Variants in FHAD1 observed in about 807,000 individuals in gnomAD.
FHAD1 encodes forkhead associated phosphopeptide binding domain 1, also known as forkhead-associated domain-containing protein 1.
FHAD1 carries 146 observed loss-of-function variants against 191.3 expected under a neutral mutation model. The ratio of observed to expected loss-of-function variants is 0.76; its 90% confidence interval spans 0.67 to 0.88. The LOEUF (loss-of-function observed/expected upper bound fraction) is 0.88. Ranked by LOEUF, FHAD1 falls within the 40% of genes least tolerant of loss-of-function variation. The probability of loss-of-function intolerance (pLI) is 0.00; values close to 1 mark genes in which losing one functional copy is unlikely to be tolerated. For synonymous variants in FHAD1, 616 were observed against 672.3 expected (o/e 0.92, Z 1.29); for missense variants, 1,635 against 1,785.8 (o/e 0.92, Z 1.52).
At chr1:15,250,233 A>G (rs1017221658) in intron 1 of FHAD1, among the ~76,000 whole-genome samples, 15 of 152,276 alleles carry the variant, frequency 9.9e-5, no homozygotes, top group Non-Finnish European at 1.9e-4. Context: ...ATCACACTGC[A>G]TCTTTAGACG....
intron 32 of FHAD1, among the ~76,000 whole-genome samples, chr1:15,390,958 A>G (rs1336292704): frequency 6.6e-6 from 1 of 152,096 alleles, no homozygotes; most frequent in Non-Finnish European, 1.5e-5. Flanking sequence ...CTCTGCTGGA[A>G]TCTAGAACAG....
At chr1:15,297,680 T>G (rs1207367315) in intron 5 of FHAD1, among the ~76,000 whole-genome samples, 1 of 152,230 alleles carries the variant, frequency 6.6e-6, no homozygotes, top group Non-Finnish European at 1.5e-5. Flanking sequence ...GTTCTCCTGC[T>G]GGTGTCTTCT....
At chr1:15,393,498 A>C (rs755787657) in intron 33 of FHAD1, among the ~76,000 whole-genome samples, 2 of 152,138 alleles carry the variant, frequency 1.3e-5, no homozygotes, top group African/African-American at 2.4e-5. Flanking sequence ...AAAACCTCTA[A>C]GAATTCTCAG....
At chr1:15,347,480 T>C (rs1377051938) in intron 18 of FHAD1, among the ~76,000 whole-genome samples, 1 of 152,180 alleles carries the variant, frequency 6.6e-6, no homozygotes, top group Non-Finnish European at 1.5e-5. Flanking sequence ...GATTTTCTTT[T>C]TTTCTGTCTC....
At chr1:15,320,022 G>A (rs1675758234) in intron 10 of FHAD1, among the ~76,000 whole-genome samples, 1 of 152,188 alleles carries the variant, frequency 6.6e-6, no homozygotes, top group Admixed American at 6.5e-5. Context: ...GGCTTTGGCT[G>A]CATTCCACAA....
intron 4 of FHAD1, among the ~76,000 whole-genome samples, chr1:15,290,735 AGGCTGGAGTGCAGT>A (rs1408553172): frequency 6.7e-6 from 1 of 148,464 alleles, no homozygotes; most frequent in Non-Finnish European, 1.5e-5. Context: ...TCTGTTGCCC[AGGCTGGAGTGCAGT>A]GGCAGGATTT....
upstream of FHAD1, among the ~76,000 whole-genome samples, chr1:15,245,722 G>C (rs1573572858): frequency 6.6e-6 from 1 of 152,158 alleles, no homozygotes; most frequent in Admixed American, 6.5e-5. Context: ...AGATTTGTAG[G>C]GACAGGCTCC....
chr1:15,292,028 C>T (rs1664942514), intron 4 of FHAD1, among the ~76,000 whole-genome samples: 1 of 152,210 alleles, frequency 6.6e-6, no homozygotes, highest in South Asian at 2.1e-4. Context: ...CATAGATAAG[C>T]TCTGTTATGG....
At chr1:15,244,815 A>G (rs1017448116), upstream of FHAD1, among the ~76,000 whole-genome samples, 62 of 152,206 alleles carry the variant, frequency 4.1e-4, no homozygotes, top group African/African-American at 1.4e-3. The surrounding 1 kb of genome is among the most constrained non-coding windows in gnomAD (Gnocchi z 5.1). Flanking sequence ...ATGTGAGTTG[A>G]TGATAAGTGA....
rs149445374 is a variant in FHAD1 at position 15,296,094 on chromosome 1, C to T, written c.569-590C>T. The stretch of plus-strand genomic sequence containing the variant: ...GATTAAACGATCTGCCCAAGATCAC[C>T]AGCTCTTCTGTGGCATAGGAAAAAG... On this transcript the variant is annotated intron_variant, in intron 4 of 33. Transcript: ENST00000688493. Among the ~76,000 whole-genome samples the T allele has an allele frequency of 8.2e-3, 1,251 of 152,200 alleles. 23 individuals carry two copies. The highest frequency in any genetic ancestry group is 0.028 in the African/African-American group (1,181 of 41,504).
At chr1:15,321,771 ATG>A (rs1364966496) in intron 10 of FHAD1, among the ~76,000 whole-genome samples, 1 of 152,118 alleles carries the variant, frequency 6.6e-6, no homozygotes, top group Non-Finnish European at 1.5e-5. Context: ...GTGTGTGCAT[ATG>A]TGTGATTGTG....
chr1:15,307,321 G>A (rs112215172), intron 6 of FHAD1, among the ~76,000 whole-genome samples: 8,547 of 152,200 alleles, frequency 0.056, 718 homozygotes, highest in African/African-American at 0.18. Context: ...GCTCATAGGC[G>A]GGAAGGACTT....
At chr1:15,357,582 C>T (rs571172926) in intron 20 of FHAD1, among the ~76,000 whole-genome samples, 3 of 148,546 alleles carry the variant, frequency 2.0e-5, no homozygotes, top group East Asian at 2.0e-4. Flanking sequence ...GAGATAGCAC[C>T]GTTGCGCTCC....
chr1:15,322,471 C>T (rs1330167117), intron 10 of FHAD1, among the ~76,000 whole-genome samples: 9 of 152,260 alleles, frequency 5.9e-5, no homozygotes, highest in Admixed American at 5.9e-4. Flanking sequence ...CCCAAAGGCA[C>T]ACAGTCAGTA....
intron 16 of FHAD1, among the ~76,000 whole-genome samples, chr1:15,342,143 A>T (rs1686966903): frequency 6.6e-6 from 1 of 152,208 alleles, no homozygotes; most frequent in Non-Finnish European, 1.5e-5. Flanking sequence ...TTGTGTATGT[A>T]TTGCAGTCGG....
In FHAD1 at chr1:15,375,723, T is replaced by C. The variant is rs1417721579; in HGVS notation, c.3698T>C (p.Ile1233Thr). Residue 1233 changes from isoleucine to threonine, a missense_variant, in exon 28 of 34, where the codon ATC (isoleucine) becomes ACC (threonine). By Grantham distance (89) the Ile-to-Thr change is moderately conservative. Coordinates refer to ENST00000688493, the MANE Select transcript of FHAD1 (RefSeq NM_001391957.1). The stretch of plus-strand genomic sequence containing the variant: ...TTGCCAACTCTCTCAAGAATAGAGA[T>C]CCTAGCGGTAACCAAAGAAAATTCT... Reference protein sequence around the residue: ...PDLPTLSRIEILAPQNGLCNA... With the variant: ...PDLPTLSRIETLAPQNGLCNA... 6.5e-7 allele frequency: 1 copy of C among 1,534,802 alleles called. No individual in the cohort carries two copies. The highest frequency in any genetic ancestry group is 8.8e-7 in the Non-Finnish European group (1 of 1,142,264).
At chr1:15,368,065 G>T (rs908936265) in intron 25 of FHAD1, among the ~76,000 whole-genome samples, 1 of 152,088 alleles carries the variant, frequency 6.6e-6, no homozygotes, top group Non-Finnish European at 1.5e-5. Context: ...TCTGCCTCCC[G>T]GGTTCAAGCC....
In FHAD1 at chr1:15,308,748, G is replaced by A; in HGVS notation, c.1039+12G>A. 6.4e-7 allele frequency: 1 copy of A among 1,551,568 alleles called. No homozygotes were observed. The highest frequency in any genetic ancestry group is 8.7e-7 in the Non-Finnish European group (1 of 1,146,936). ...CGCTATCACATCAGGTGAGCCCTTGGAGTCGGGCCTGGGAGCTGCCACTCC... is the reference window on the plus strand; with the variant it reads ...CGCTATCACATCAGGTGAGCCCTTGAAGTCGGGCCTGGGAGCTGCCACTCC... On this transcript the variant is annotated intron_variant, in intron 7 of 33. Coordinates refer to ENST00000688493, the MANE Select transcript of FHAD1 (RefSeq NM_001391957.1).
intron 19 of FHAD1, 102 bp downstream of exon 19, chr1:15,349,251 C>A: frequency 1.1e-6 from 1 of 899,068 alleles, no homozygotes; most frequent in South Asian, 1.6e-5. Context: ...CCATGCCTCC[C>A]TTTGAAGTGG....
Sources: gnomAD v4.1 joint callset for allele counts (sites outside exome capture counted in the v4.1 genomes callset) on GRCh38, gnomAD v4.1.1 for gene constraint, Gnocchi (gnomAD v3.1) non-coding constraint, MANE v1.5 for transcripts, NCBI Gene and HGNC (gene_info 2026-07-23, HGNC 2026-07-21) for gene names.